The following GLI2 variants were observed in gnomAD, a reference collection of about 807,000 sequenced individuals.
GLI2 encodes the protein transcription activator GLI2.
A neutral mutation model predicts 78.9 loss-of-function variants in GLI2; 22 were observed. That is an observed-to-expected ratio of 0.28 (90% CI 0.20 to 0.40). The LOEUF (loss-of-function observed/expected upper bound fraction) is 0.40. GLI2 is among the 10% of genes least tolerant of loss of function. The pLI is 1.00. For missense variants in GLI2, 2,097 were observed against 2,213.2 expected, an observed-to-expected ratio of 0.95 and a Z score of 1.05; for synonymous variants, 974 against 963.7, an observed-to-expected ratio of 1.01 and a Z score of -0.20.
chr2:120,886,888 G>T (rs72955318), intron 2 of GLI2, among the ~76,000 whole-genome samples: 2 of 152,180 alleles, frequency 1.3e-5, no homozygotes, highest in South Asian at 2.1e-4. Context: ...AAGATGCCAC[G>T]GTCTGTCTGT....
Position 120,971,953 on chromosome 2 carries a change from A to C in GLI2, c.1072A>C (p.Ser358Arg), listed in dbSNP as rs1382389036. The C allele has an allele frequency of 3.7e-6, 6 of 1,613,688 alleles. No homozygotes were observed. Among genetic ancestry groups the C allele is most frequent in the Non-Finnish European group, 5.1e-6 (6 of 1,179,946 alleles). The change falls in exon 8 of 14, where the codon AGT becomes CGT. Residue 358 changes from serine (S) to arginine (R), a missense_variant. Coordinates refer to ENST00000361492, the MANE Select transcript of GLI2 (RefSeq NM_001374353.1). ...LSDTNQNKQSSESAVSSTVNP... is the reference protein window; with the variant it reads ...LSDTNQNKQSRESAVSSTVNP... ...CACCCTTCCTCAGAACAAGCAGAGC[A>C]GTGAGTCGGCCGTCAGCAGCACCGT...
chr2:120,842,393 A>G (rs183971175), intron 2 of GLI2, among the ~76,000 whole-genome samples: 1 of 152,316 alleles, frequency 6.6e-6, no homozygotes, highest in East Asian at 1.9e-4. Flanking sequence ...AAATTGGTCC[A>G]TATCAGACCT....
chr2:120,990,711 G>T lies in GLI2; in HGVS notation c.*36G>T, dbSNP rs780984452. On this transcript the variant is annotated 3_prime_UTR_variant, in exon 14 of 14. Transcript: ENST00000361492. Reference sequence around the variant, plus strand: ...GCCTGGTGCTGAGTGCACCCGGAGGGGTCATCGCTGCCCAGAGCCTGGGGA... The same window carrying T: ...GCCTGGTGCTGAGTGCACCCGGAGGTGTCATCGCTGCCCAGAGCCTGGGGA... The T allele has an allele frequency of 6.4e-7, 1 of 1,554,886 alleles. No homozygotes were observed. Among genetic ancestry groups the T allele is most frequent in the East Asian group, 2.3e-5 (1 of 44,418 alleles).
At chr2:120,977,040 G>A (rs957350149) in intron 9 of GLI2, among the ~76,000 whole-genome samples, 4 of 152,340 alleles carry the variant, frequency 2.6e-5, no homozygotes, top group South Asian at 2.1e-4. Context: ...AGTTCAAAGC[G>A]CTGGAGATTT....
intron 5 of GLI2, among the ~76,000 whole-genome samples, chr2:120,955,946 G>A (rs1207739212): frequency 6.6e-6 from 1 of 152,146 alleles, no homozygotes; most frequent in African/African-American, 2.4e-5. Flanking sequence ...TGCTGGCAGT[G>A]AGGGGTGGGA....
intron 2 of GLI2, among the ~76,000 whole-genome samples, chr2:120,904,572 C>A (rs1678425059): frequency 6.6e-6 from 1 of 152,168 alleles, no homozygotes; most frequent in Non-Finnish European, 1.5e-5. Context: ...AGGGAAGTGG[C>A]ACTGTGACTG....
At chr2:120,874,191 C>T (rs944608744) in intron 2 of GLI2, among the ~76,000 whole-genome samples, 8 of 152,120 alleles carry the variant, frequency 5.3e-5, no homozygotes, top group Admixed American at 2.0e-4. Flanking sequence ...CCGGTCTGTG[C>T]GGGCTCCGTG....
At chr2:120,761,536 G>A (rs971878333) in intron 1 of GLI2, among the ~76,000 whole-genome samples, 2 of 152,218 alleles carry the variant, frequency 1.3e-5, no homozygotes, top group African/African-American at 4.8e-5. Flanking sequence ...GAACCCAGAG[G>A]GGGTGTGTGT....
At chr2:120,912,963 C>T (rs572177127) in intron 2 of GLI2, among the ~76,000 whole-genome samples, 1 of 152,266 alleles carries the variant, frequency 6.6e-6, no homozygotes, top group Non-Finnish European at 1.5e-5. Context: ...AAGTAACCCT[C>T]CTACGATTCT....
At chr2:120,979,967 C>G (rs555959576) in intron 10 of GLI2, among the ~76,000 whole-genome samples, 3 of 152,198 alleles carry the variant, frequency 2.0e-5, no homozygotes, top group Non-Finnish European at 4.4e-5. Flanking sequence ...GTAGCATGCA[C>G]GCGTACTTTC....
intron 2 of GLI2, among the ~76,000 whole-genome samples, chr2:120,840,975 C>T (rs917589832): frequency 9.8e-5 from 15 of 152,304 alleles, no homozygotes; most frequent in African/African-American, 2.9e-4. Context: ...TCTGGCCCTA[C>T]GTGGCCTCTT....
intron 1 of GLI2, 38 bp from the exon 2 acceptor site, chr2:120,797,253 G>A: frequency 6.5e-7 from 1 of 1,546,946 alleles, no homozygotes; most frequent in African/African-American, 1.4e-5. Context: ...GCTGGGTTTG[G>A]GCTCAGTGTT....
chr2:120,842,575 A>G (rs1170068905), intron 2 of GLI2, among the ~76,000 whole-genome samples: 1 of 152,200 alleles, frequency 6.6e-6, no homozygotes, highest in African/African-American at 2.4e-5. Flanking sequence ...ATTTGAGAGC[A>G]TGTTTGTGGG....
At chr2:120,896,104 T>C (rs1308364877) in intron 2 of GLI2, among the ~76,000 whole-genome samples, 1 of 152,200 alleles carries the variant, frequency 6.6e-6, no homozygotes, top group Non-Finnish European at 1.5e-5. Context: ...CTGTCATAGT[T>C]TTCCTGTCCC....
At chr2:120,818,724 C>T (rs1040626562) in intron 2 of GLI2, among the ~76,000 whole-genome samples, 1 of 152,232 alleles carries the variant, frequency 6.6e-6, no homozygotes, top group African/African-American at 2.4e-5. Flanking sequence ...TGCCAAATCC[C>T]AAGGCTCCTT....
chr2:120,886,606 C>T (rs1293984247), intron 2 of GLI2, among the ~76,000 whole-genome samples: 2 of 152,120 alleles, frequency 1.3e-5, no homozygotes, highest in Non-Finnish European at 2.9e-5. Flanking sequence ...GTCAGACCTG[C>T]GCTCCAGAGA....
chr2:120,948,572 A>G (rs896382968), intron 3 of GLI2, among the ~76,000 whole-genome samples: 1 of 152,182 alleles, frequency 6.6e-6, no homozygotes, highest in Non-Finnish European at 1.5e-5. Flanking sequence ...AGTGGTGTGC[A>G]TGTGGCTGTG....
rs1305780136 is a variant in GLI2, at chr2:120,941,800, T to C, written c.255-9443T>C. Among the ~76,000 whole-genome samples the C allele has an allele frequency of 3.9e-5, 6 of 152,260 alleles. No homozygotes were observed. The East Asian group carries it at 7.7e-4, about 20-fold the overall frequency. On this transcript the variant is annotated intron_variant, in intron 3 of 13. Coordinates refer to ENST00000361492, the MANE Select transcript of GLI2 (RefSeq NM_001374353.1). The stretch of plus-strand genomic sequence containing the variant: ...CATCTTGGCCCAAAGGCAGGGCTGG[T>C]GTACACAAGCCAGCGGTTCCGAGGC...
intron 8 of GLI2, 75 bp downstream of exon 8, chr2:120,972,138 G>T: frequency 6.5e-7 from 1 of 1,530,718 alleles, no homozygotes; most frequent in Non-Finnish European, 9.0e-7. Flanking sequence ...CTGTACCCTT[G>T]GTGGTGAACG....
Sources: gnomAD v4.1 joint callset for allele counts (sites outside exome capture counted in the v4.1 genomes callset) on GRCh38, gnomAD v4.1.1 for gene constraint, MANE v1.5 for transcripts, NCBI Gene and HGNC (gene_info 2026-07-23, HGNC 2026-07-21) for gene names.